Variants in SEMA3E observed in about 807,000 individuals in gnomAD.
SEMA3E encodes semaphorin-3E.
Under a neutral mutation model 93.6 loss-of-function variants are expected in SEMA3E, and 49 were observed. The observed-to-expected ratio is 0.52, with a 90% CI of 0.42 to 0.66. The LOEUF (loss-of-function observed/expected upper bound fraction) is 0.66, where lower values mean the gene tolerates loss of function less well. SEMA3E is among the 30% of genes least tolerant of loss of function. SEMA3E has a pLI of 0.00. For synonymous variants in SEMA3E, 363 were observed against 330.7 expected (o/e 1.10, Z -1.06); for missense variants, 906 against 964.8 (o/e 0.94, Z 0.81).
At position 83,546,924 on chromosome 7, in the gene SEMA3E, CA is replaced by C. The variant is rs887522634; in HGVS notation, c.116-56651del. Among the ~76,000 whole-genome samples, 7 of 152,124 alleles carry C rather than the reference CA, an allele frequency of 4.6e-5. No homozygotes were observed. The East Asian group carries it at 1.4e-3, about 29-fold the overall frequency. On this transcript the variant is annotated intron_variant, in intron 1 of 16. Coordinates refer to ENST00000643230, the MANE Select transcript of SEMA3E (RefSeq NM_012431.3). ...GATACCTTACTCAAACTTGTTTAAA[CA>C]AAAAGTGCATGACAAATTTAAGATG...
chr7:83,370,766 G>A (rs1386089812), intron 16 of SEMA3E, among the ~76,000 whole-genome samples: 1 of 151,984 alleles, frequency 6.6e-6, no homozygotes, highest in Non-Finnish European at 1.5e-5. Context: ...ATATACTTGA[G>A]CATGCAACAT....
At chr7:83,606,968 G>A (rs1793137990) in intron 1 of SEMA3E, among the ~76,000 whole-genome samples, 1 of 152,122 alleles carries the variant, frequency 6.6e-6, no homozygotes, top group African/African-American at 2.4e-5. Flanking sequence ...GCTACTTAAA[G>A]TATAATGTAG....
chr7:83,627,860 T>C (rs890441342), intron 1 of SEMA3E, among the ~76,000 whole-genome samples: 4 of 152,156 alleles, frequency 2.6e-5, no homozygotes, highest in African/African-American at 7.2e-5. Context: ...CCTGTCGTTA[T>C]GATGCTAGCT....
intron 9 of SEMA3E, among the ~76,000 whole-genome samples, 191 bp downstream of exon 9, chr7:83,405,259 G>C (rs1788304536): frequency 6.6e-6 from 1 of 152,040 alleles, no homozygotes; most frequent in South Asian, 2.1e-4. Context: ...TTTGGATTTA[G>C]ATTGAGCTTC....
At chr7:83,502,448 A>G (rs1479224686) in intron 1 of SEMA3E, among the ~76,000 whole-genome samples, 2 of 151,984 alleles carry the variant, frequency 1.3e-5, no homozygotes, top group Non-Finnish European at 2.9e-5. Context: ...ACAGAGCTCT[A>G]GGGCTTGGGC....
intron 5 of SEMA3E, among the ~76,000 whole-genome samples, chr7:83,410,222 G>C (rs1188021880): frequency 1.3e-5 from 2 of 151,784 alleles, no homozygotes; most frequent in Non-Finnish European, 2.9e-5. Flanking sequence ...CTAAATGAGA[G>C]AGGAAAAAGT....
At chr7:83,368,231 G>T (rs1794703742) in intron 16 of SEMA3E, among the ~76,000 whole-genome samples, 193 bp from the exon 17 acceptor site, 2 of 151,790 alleles carry the variant, frequency 1.3e-5, no homozygotes, top group Admixed American at 6.6e-5. Context: ...GTGTGTGTGT[G>T]TGTGTGTATT....
At chr7:83,402,977 C>T (rs1788259999) in intron 9 of SEMA3E, among the ~76,000 whole-genome samples, 1 of 151,858 alleles carries the variant, frequency 6.6e-6, no homozygotes, top group Non-Finnish European at 1.5e-5. Flanking sequence ...TCTTAACTGC[C>T]TACTTAATAC....
intron 1 of SEMA3E, among the ~76,000 whole-genome samples, chr7:83,519,944 C>A (rs1449975312): frequency 6.6e-6 from 1 of 152,100 alleles, no homozygotes; most frequent in Non-Finnish European, 1.5e-5. Flanking sequence ...TCTGTCCAGT[C>A]CTCCCCAAAA....
intron 13 of SEMA3E, 71 bp downstream of exon 13, chr7:83,394,226 A>G (rs1788073417): frequency 6.7e-7 from 1 of 1,500,452 alleles, no homozygotes. Context: ...TAATGTTCTC[A>G]TATCCTTTGA....
intron 4 of SEMA3E, among the ~76,000 whole-genome samples, chr7:83,449,151 G>A (rs570898406): frequency 1.5e-4 from 22 of 151,364 alleles, no homozygotes; most frequent in African/African-American, 5.1e-4. Context: ...TCAGGCTGGA[G>A]TGCAGTGGCG....
intron 2 of SEMA3E, among the ~76,000 whole-genome samples, chr7:83,474,838 CAGAT>C (rs1345598660): frequency 6.6e-6 from 1 of 152,118 alleles, no homozygotes; most frequent in Admixed American, 6.6e-5. Flanking sequence ...CTCAAACTGA[CAGAT>C]AGATTTTAAG....
At position 83,365,239 on chromosome 7, in the gene SEMA3E, CT is replaced by C. The variant is rs962734523; in HGVS notation, c.*2346del. On this transcript the variant is annotated 3_prime_UTR_variant, in exon 17 of 17. Transcript: ENST00000643230. ...GAAACTGCTTTCTCTCTCCCTTCGT[CT>C]TTCTCTCTCCCTCCCTCTTCTTTCC... The C allele has an allele frequency of 2.6e-5, 4 of 152,088 alleles. No homozygotes were observed. The highest frequency in any genetic ancestry group is 1.5e-5 in the Non-Finnish European group (1 of 68,006). 9.4% of individuals were successfully genotyped at this position (152,088 alleles called of 1,614,324 possible).
intron 12 of SEMA3E, among the ~76,000 whole-genome samples, chr7:83,395,035 G>A (rs889474520): frequency 2.0e-5 from 3 of 152,086 alleles, no homozygotes; most frequent in Non-Finnish European, 4.4e-5. Context: ...TTGAAAAGCT[G>A]TTTGTTAAGA....
intron 16 of SEMA3E, among the ~76,000 whole-genome samples, 169 bp from the exon 17 acceptor site, chr7:83,368,207 C>CTGTGTG (rs777598620): frequency 1.5e-5 from 2 of 129,102 alleles, no homozygotes; most frequent in Non-Finnish European, 3.2e-5. Flanking sequence ...CTCTCTCTCT[C>CTGTGTG]TCTGTGTGTG....
intron 4 of SEMA3E, among the ~76,000 whole-genome samples, chr7:83,419,581 C>G (rs1034482957): frequency 2.6e-5 from 4 of 152,130 alleles, no homozygotes; most frequent in African/African-American, 9.7e-5. Flanking sequence ...TCTCCACAGC[C>G]TCTCTGACAT....
intron 1 of SEMA3E, among the ~76,000 whole-genome samples, chr7:83,537,764 T>C (rs1791435532): frequency 6.6e-6 from 1 of 152,198 alleles, no homozygotes; most frequent in Admixed American, 6.6e-5. Flanking sequence ...GTCACAGATA[T>C]GTGCAACCAT....
chr7:83,402,579 T>C (rs1788251678), intron 10 of SEMA3E, 53 bp downstream of exon 10: 9 of 1,524,888 alleles, frequency 5.9e-6, no homozygotes, highest in Non-Finnish European at 8.2e-6. Context: ...GAACAAAATA[T>C]TACCAAAAGT....
At chr7:83,397,028 G>A (rs988423781) in intron 11 of SEMA3E, among the ~76,000 whole-genome samples, 1 of 151,536 alleles carries the variant, frequency 6.6e-6, no homozygotes, top group Non-Finnish European at 1.5e-5. Flanking sequence ...GTTGCAGTGG[G>A]CAAGATCATG....
Sources: allele counts gnomAD v4.1 joint callset (sites outside exome capture counted in the v4.1 genomes callset), GRCh38; gene constraint gnomAD v4.1.1; transcripts MANE v1.5; gene names NCBI Gene and HGNC (gene_info 2026-07-23, HGNC 2026-07-21).